The following MTA1 variants were observed in gnomAD, a reference collection of about 807,000 sequenced individuals.
MTA1 encodes metastasis associated 1, also known as metastasis-associated protein MTA1.
Under a neutral mutation model 97.0 loss-of-function variants are expected in MTA1, and 15 were observed. The observed-to-expected ratio is 0.15, with a 90% CI of 0.10 to 0.24. The LOEUF (loss-of-function observed/expected upper bound fraction) is 0.24, where lower values mean the gene tolerates loss of function less well. Among genes scored for constraint, MTA1 ranks in the 10% least tolerant of loss-of-function variants. MTA1 has a pLI of 1.00. For synonymous variants in MTA1, 435 were observed against 417.5 expected, an observed-to-expected ratio of 1.04 and a Z score of -0.51; for missense variants, 709 against 1,015.1, an observed-to-expected ratio of 0.70 and a Z score of 4.10.
intron 8 of MTA1, among the ~76,000 whole-genome samples, chr14:105,458,699 A>G (rs1490590404): frequency 2.0e-5 from 3 of 152,178 alleles, no homozygotes; most frequent in African/African-American, 7.2e-5. Context: ...GGGCCTGGTC[A>G]TGGAGCAGAG....
Position 105,453,953 on chromosome 14 carries a change from C to T in MTA1, c.433-240C>T, listed in dbSNP as rs377584167. ...CTGCTGACCCTCGGCATGTCTCCTC[C>T]GTGCAGTGTCATGGGGCAGGTGCAT... On this transcript the variant is annotated intron_variant, in intron 6 of 20. Transcript: ENST00000331320. 7.3e-4 allele frequency among the ~76,000 whole-genome samples: 111 copies of T among 152,338 alleles called. 2 individuals are homozygous for T. The East Asian group carries it at 7.3e-3, about 10-fold the overall frequency.
intron 8 of MTA1, 74 bp downstream of exon 8, chr14:105,458,446 G>A (rs2083236532): frequency 1.5e-6 from 2 of 1,371,202 alleles, no homozygotes; most frequent in East Asian, 2.4e-5. Context: ...TGTGGTGGGT[G>A]TTGGGGACGT....
chr14:105,452,631 A>G (rs1290677629), intron 6 of MTA1, among the ~76,000 whole-genome samples: 4 of 152,216 alleles, frequency 2.6e-5, no homozygotes, highest in African/African-American at 9.6e-5. Context: ...TCACTGAAGC[A>G]AGATCGCACC....
chr14:105,470,351 C>T lies in MTA1; in HGVS notation c.*136C>T, dbSNP rs1363829439. On this transcript the variant is annotated 3_prime_UTR_variant, in exon 21 of 21. Transcript: ENST00000331320. Reference sequence around the variant, plus strand: ...ACCTGCAGAGAAACGCGCTCCTTGGCGGACACTGGGGGAGGAGAGGAAGAA... The same window carrying T: ...ACCTGCAGAGAAACGCGCTCCTTGGTGGACACTGGGGGAGGAGAGGAAGAA... 4.1e-5 allele frequency: 28 copies of T among 690,022 alleles called. No homozygotes were observed. Among genetic ancestry groups the T allele is most frequent in the African/African-American group, 7.9e-5 (4 of 50,874 alleles). 42.7% of individuals were successfully genotyped at this position (690,022 alleles called of 1,614,324 possible).
intron 2 of MTA1, among the ~76,000 whole-genome samples, chr14:105,441,545 A>T (rs1018548095): frequency 1.3e-5 from 2 of 152,368 alleles, no homozygotes; most frequent in African/African-American, 2.4e-5. Context: ...CTGGAATCCC[A>T]GCACTTTGAG....
chr14:105,445,537 C>A, intron 3 of MTA1, 26 bp downstream of exon 3: 1 of 1,611,784 alleles, frequency 6.2e-7, no homozygotes, highest in Non-Finnish European at 8.5e-7. Context: ...CCTGGGGTGC[C>A]CGCCTGGCGG....
At chr14:105,462,549 G>A (rs587712783) in intron 10 of MTA1, among the ~76,000 whole-genome samples, 7 of 151,036 alleles carry the variant, frequency 4.6e-5, no homozygotes, top group African/African-American at 1.7e-4. Context: ...CAGCCTGGGC[G>A]ACAGTGCGAG....
chr14:105,458,243 CAGAA>C (rs2083228069), intron 7 of MTA1, 23 bp from the exon 8 acceptor site: 4 of 1,604,008 alleles, frequency 2.5e-6, no homozygotes, highest in Non-Finnish European at 3.4e-6. Context: ...GACCCCGTCT[CAGAA>C]AGGCCACACT....
In MTA1 at chr14:105,420,108, C is replaced by G. The variant is rs1349867706; in HGVS notation, c.28+45C>G. 7.4e-6 allele frequency: 7 copies of G among 940,282 alleles called. No homozygotes were observed. The highest frequency in any genetic ancestry group is 8.9e-6 in the Non-Finnish European group (7 of 784,010). The allele number at this position is 940,282 out of a possible 1,614,324, so 58.2% of individuals were successfully genotyped here. A position where few individuals can be genotyped will look rare whatever the true frequency, so the allele number is the denominator to read the frequency against. ...ATGCCCGGCCCCGACCCGCCCGCAGCCCCCACCCGCCGCCGCTGCCGCCTC... is the reference window on the plus strand; with the variant it reads ...ATGCCCGGCCCCGACCCGCCCGCAGGCCCCACCCGCCGCCGCTGCCGCCTC... On this transcript the variant is annotated intron_variant, in intron 1 of 20. Transcript: ENST00000331320. The surrounding 1 kb of genome is among the most constrained non-coding windows in gnomAD (Gnocchi z 5.3).
At chr14:105,446,422 C>A (rs782392320) in intron 3 of MTA1, among the ~76,000 whole-genome samples, 1 of 152,174 alleles carries the variant, frequency 6.6e-6, no homozygotes, top group African/African-American at 2.4e-5. Context: ...GGGCCAAGGT[C>A]CCACCTGTAA....
chr14:105,460,543 C>A, intron 9 of MTA1, 86 bp downstream of exon 9: 2 of 1,359,378 alleles, frequency 1.5e-6, no homozygotes, highest in Non-Finnish European at 2.0e-6. Flanking sequence ...CAGGGCCCAG[C>A]ACCTGCCCCA....
intron 1 of MTA1, among the ~76,000 whole-genome samples, chr14:105,437,479 C>A (rs1292806323): frequency 6.6e-6 from 1 of 151,760 alleles, no homozygotes; most frequent in East Asian, 1.9e-4. Context: ...ATGGGTGTGT[C>A]CTCACGGGCA....
Position 105,470,434 on chromosome 14 carries a change from C to G in MTA1, c.*219C>G. ...GTTGTCGTTTTTAGCTTTGTGTTTA[C>G]TTTTTGGCTGGAGCGGAGATGAGGG... On this transcript the variant is annotated 3_prime_UTR_variant, in exon 21 of 21. Coordinates refer to ENST00000331320, the MANE Select transcript of MTA1 (RefSeq NM_004689.4). 2.1e-6 allele frequency: 1 copy of G among 487,228 alleles called. No individual in the cohort carries two copies. The highest frequency in any genetic ancestry group is 3.5e-6 in the Non-Finnish European group (1 of 286,452). 30.2% of individuals were successfully genotyped at this position (487,228 alleles called of 1,614,324 possible).
At chr14:105,442,575 C>T (rs782243992) in intron 2 of MTA1, among the ~76,000 whole-genome samples, 1 of 152,228 alleles carries the variant, frequency 6.6e-6, no homozygotes, top group Non-Finnish European at 1.5e-5. Context: ...CAAAGGTGTT[C>T]GAAGGAAGAG....
intron 1 of MTA1, among the ~76,000 whole-genome samples, chr14:105,427,299 A>G (rs782300098): frequency 3.9e-5 from 6 of 152,080 alleles, no homozygotes; most frequent in Non-Finnish European, 7.4e-5. Context: ...CACTGCTCCC[A>G]TGTTGGAAGC....
intron 1 of MTA1, among the ~76,000 whole-genome samples, chr14:105,438,417 G>C (rs925354352): frequency 6.6e-6 from 1 of 152,192 alleles, no homozygotes; most frequent in Non-Finnish European, 1.5e-5. Flanking sequence ...GATGGGGGCT[G>C]TCTGCTCCTG....
intron 2 of MTA1, among the ~76,000 whole-genome samples, chr14:105,439,575 C>T (rs1199111182): frequency 3.9e-5 from 6 of 152,200 alleles, no homozygotes; most frequent in Non-Finnish European, 7.4e-5. Flanking sequence ...GGGTGGGTCC[C>T]CCAGCGTCCC....
chr14:105,423,566 C>T (rs1229172725), intron 1 of MTA1, among the ~76,000 whole-genome samples: 3 of 150,438 alleles, frequency 2.0e-5, no homozygotes, highest in East Asian at 1.9e-4. Flanking sequence ...AGTGAGACTC[C>T]GTATCAAAAA....
intron 10 of MTA1, among the ~76,000 whole-genome samples, chr14:105,462,718 A>T (rs1391842101): frequency 6.6e-6 from 1 of 151,542 alleles, no homozygotes; most frequent in African/African-American, 2.4e-5. Context: ...AAAATACAAA[A>T]ATTAGCCGGG....
Sources: allele counts gnomAD v4.1 joint callset (sites outside exome capture counted in the v4.1 genomes callset), GRCh38; gene constraint gnomAD v4.1.1; non-coding constraint Gnocchi (gnomAD v3.1); transcripts MANE v1.5; gene names NCBI Gene and HGNC (gene_info 2026-07-23, HGNC 2026-07-21).